Variants in ZNF106 observed in about 807,000 individuals in gnomAD.
ZNF106 encodes zinc finger protein 106.
In ZNF106, 67 loss-of-function variants were observed where a neutral mutation model predicts 195.1. The ratio of observed to expected loss-of-function variants is 0.34; its 90% CI spans 0.28 to 0.42. The LOEUF is 0.42. Among genes scored for constraint, ZNF106 ranks in the 10% least tolerant of loss-of-function variants. ZNF106 has a pLI of 1.00. For missense variants in ZNF106, 2,118 were observed against 2,304.5 expected, an observed-to-expected ratio of 0.92 and a Z score of 1.66; for synonymous variants, 784 against 818.6, an observed-to-expected ratio of 0.96 and a Z score of 0.72.
intron 20 of ZNF106, among the ~76,000 whole-genome samples, chr15:42,420,668 C>A (rs1464174537): frequency 6.6e-6 from 1 of 151,888 alleles, no homozygotes; most frequent in Non-Finnish European, 1.5e-5. Context: ...AAATAAAAAC[C>A]ACACAATTCA....
At chr15:42,419,502 C>T (rs1299589792) in intron 20 of ZNF106, among the ~76,000 whole-genome samples, 1 of 151,910 alleles carries the variant, frequency 6.6e-6, no homozygotes, top group Admixed American at 6.6e-5. Flanking sequence ...TGTGACCACA[C>T]CGCTGCACTC....
chr15:42,451,067 A>T lies in ZNF106; in HGVS notation c.1205T>A (p.Leu402His). 2 of 1,614,194 alleles carry T rather than the reference A, an allele frequency of 1.2e-6. No individual in the cohort carries two copies. The highest frequency in any genetic ancestry group is 1.7e-6 in the Non-Finnish European group (2 of 1,180,040). Reference sequence around the variant, plus strand: ...TGTAGTTATCAAGCTAAAATCAAAGAGAGGTTTCTCTATCATTTCTGACTT... The same window carrying T: ...TGTAGTTATCAAGCTAAAATCAAAGTGAGGTTTCTCTATCATTTCTGACTT... ...GNKSEMIEKP[L>H]FDFSLITTGI... Residue 402 changes from leucine to histidine, a missense_variant, in exon 5 of 22, where the codon CTC becomes CAC. Leu to His is a moderately conservative substitution (Grantham distance 99, BLOSUM62 -3). Transcript: ENST00000564754.
chr15:42,447,948 ATTC>A (rs1369219374), intron 6 of ZNF106, 121 bp downstream of exon 6: 2 of 1,160,740 alleles, frequency 1.7e-6, no homozygotes, highest in African/African-American at 1.5e-5. Context: ...GAACCTCACA[ATTC>A]TTCTAGAAGT....
intron 1 of ZNF106, among the ~76,000 whole-genome samples, chr15:42,487,016 G>A (rs1371532592): frequency 6.6e-6 from 1 of 151,990 alleles, no homozygotes; most frequent in Non-Finnish European, 1.5e-5. Flanking sequence ...CAGGCATGGT[G>A]GCAGGTGCCT....
At chr15:42,466,945 C>T (rs1477771419) in intron 2 of ZNF106, among the ~76,000 whole-genome samples, 2 of 151,810 alleles carry the variant, frequency 1.3e-5, no homozygotes, top group East Asian at 1.9e-4. Flanking sequence ...CCATCCTGGC[C>T]AACATGATGA....
Position 42,448,554 on chromosome 15 carries a change from C to T in ZNF106, c.2653G>A (p.Glu885Lys). ...GCTCTGTCCATGATCACGCTGCTCTCAGAAAGGCTTCGCTTTCTTGCCAAG... is the reference window on the plus strand; with the variant it reads ...GCTCTGTCCATGATCACGCTGCTCTTAGAAAGGCTTCGCTTTCTTGCCAAG... ...PGLARKRSLS[E>K]SSVIMDRAPS... The change falls in exon 6 of 22, where the codon GAG (glutamate) becomes AAG (lysine). Residue 885 changes from glutamate to lysine, a missense_variant. By Grantham distance (56) the Glu-to-Lys change is moderately conservative (BLOSUM62 1). Coordinates refer to ENST00000564754, the MANE Select transcript of ZNF106 (RefSeq NM_001366845.3). 1 of 1,614,152 alleles carries T rather than the reference C, an allele frequency of 6.2e-7. No homozygotes were observed. Among genetic ancestry groups the T allele is most frequent in the Non-Finnish European group, 8.5e-7 (1 of 1,180,032 alleles).
Position 42,472,229 on chromosome 15 carries a change from T to C in ZNF106, c.54+7A>G. 5.2e-6 allele frequency: 8 copies of C among 1,534,770 alleles called. No individual in the cohort carries two copies. The highest frequency in any genetic ancestry group is 7.0e-6 in the Non-Finnish European group (8 of 1,146,208). On this transcript the variant is annotated splice_region_variant and intron_variant, in intron 2 of 21. Transcript: ENST00000564754. Reference sequence around the variant, plus strand: ...AAAGCCTCAGATTCTCCCTCTTCCATTATTACCTTTTTTGAGCTGTACACG... The same window carrying C: ...AAAGCCTCAGATTCTCCCTCTTCCACTATTACCTTTTTTGAGCTGTACACG...
At chr15:42,481,607 C>T (rs2056902987) in intron 1 of ZNF106, among the ~76,000 whole-genome samples, 1 of 152,066 alleles carries the variant, frequency 6.6e-6, no homozygotes, top group Non-Finnish European at 1.5e-5. Context: ...TCATCACCCG[C>T]ATCAACCTCC....
In ZNF106 at chr15:42,450,967, TC is replaced by T; in HGVS notation, c.1304del (p.Gly435AspfsTer18). The T allele has an allele frequency of 6.2e-7, 1 of 1,614,222 alleles. No individual in the cohort carries two copies. The highest frequency in any genetic ancestry group is 8.5e-7 in the Non-Finnish European group (1 of 1,180,042). ...CAGAAGAGGCCTTGTGATTAAGAGA[TC>T]CAGTATGTATTTCTTTTTGTGTTTT... ...TQKTQKEIHTGSLNHKASSDS... is the reference protein window; with the variant it reads ...TQKTQKEIHTXSLNHKASSDS... On this transcript the variant is annotated frameshift_variant, in exon 5 of 22. Transcript: ENST00000564754. LOFTEE classifies it high-confidence loss of function.
At chr15:42,460,860 CA>C (rs34054288) in intron 3 of ZNF106, among the ~76,000 whole-genome samples, 166 of 110,512 alleles carry the variant, frequency 1.5e-3, no homozygotes, top group East Asian at 4.0e-3. Flanking sequence ...AACTCCGTCT[CA>C]AAAAAAAAAA....
In ZNF106 at chr15:42,451,559, C is replaced by T. The variant is rs1413344281; in HGVS notation, c.713G>A (p.Ser238Asn). The change falls in exon 5 of 22, where the codon AGT (serine) becomes AAT (asparagine). Residue 238 changes from serine to asparagine, a missense_variant. Transcript: ENST00000564754. ...WLSEGTGGFS[S>N]WHMNNSNGNW... ...TCCGTTACTGTTGTTCATATGCCAA[C>T]TGGAAAAGCCACCTGTTCCTTCAGA... is the stretch of plus-strand genomic sequence containing the variant. The T allele has an allele frequency of 6.2e-7, 1 of 1,614,054 alleles. No homozygotes were observed.
chr15:42,435,899 C>A (rs554719869), intron 13 of ZNF106, among the ~76,000 whole-genome samples: 1 of 151,936 alleles, frequency 6.6e-6, no homozygotes, highest in Non-Finnish European at 1.5e-5. Flanking sequence ...TGTGAGAATG[C>A]ACCATGGTAT....
At position 42,448,156 on chromosome 15, in the gene ZNF106, C is replaced by T. The variant is rs895662119; in HGVS notation, c.3051G>A (p.Ala1017=). 16 of 1,614,120 alleles carry T rather than the reference C, an allele frequency of 9.9e-6. No individual in the cohort carries two copies. The highest frequency in any genetic ancestry group is 3.3e-5 in the South Asian group (3 of 91,086). ...ASSALAISSL[A]DAATDSSCTS... is the part of the protein sequence containing the mutation. ...TACAGCTACTATCTGTGGCTGCATC[C>T]GCTAAACTGGAGATCGCAAGGGCTG... The change falls in exon 6 of 22, where the codon GCG becomes GCA. Residue 1017 remains alanine, a synonymous_variant. Coordinates refer to ENST00000564754, the MANE Select transcript of ZNF106 (RefSeq NM_001366845.3).
chr15:42,475,391 G>C (rs188044718), intron 1 of ZNF106, among the ~76,000 whole-genome samples: 12 of 152,124 alleles, frequency 7.9e-5, no homozygotes, highest in Admixed American at 3.3e-4. Context: ...GCAGTGAGCC[G>C]AGATGACGCC....
intron 4 of ZNF106, 44 bp from the exon 5 acceptor site, chr15:42,451,998 T>A (rs1174804980): frequency 1.3e-6 from 2 of 1,560,940 alleles, no homozygotes; most frequent in African/African-American, 2.7e-5. Context: ...AAGGAATTCC[T>A]ATGCTACCTT....
intron 5 of ZNF106, 94 bp downstream of exon 5, chr15:42,449,677 A>G (rs2055909729): frequency 1.3e-6 from 2 of 1,481,542 alleles, no homozygotes; most frequent in Admixed American, 4.5e-5. Context: ...CAAACATTTA[A>G]TTAAATGAAA....
chr15:42,448,347 C>T lies in ZNF106; in HGVS notation c.2860G>A (p.Ala954Thr). 5 of 1,614,192 alleles carry T rather than the reference C, an allele frequency of 3.1e-6. No homozygotes were observed. Among genetic ancestry groups the T allele is most frequent in the Non-Finnish European group, 4.2e-6 (5 of 1,180,034 alleles). Residue 954 changes from alanine (A) to threonine (T), a missense_variant, in exon 6 of 22, where the codon GCT becomes ACT. Ala to Thr is a moderately conservative substitution (Grantham distance 58). Coordinates refer to ENST00000564754, the MANE Select transcript of ZNF106 (RefSeq NM_001366845.3). Reference protein sequence around the residue: ...LRTGERAENVATQRRHSAQLS... With the variant: ...LRTGERAENVTTQRRHSAQLS... ...TGTGCACTATGTCGCCTTTGGGTAG[C>T]AACATTTTCAGCCCTTTCACCTGTT...
chr15:42,417,492 T>G, intron 21 of ZNF106, 132 bp from the exon 22 acceptor site: 1 of 1,031,266 alleles, frequency 9.7e-7, no homozygotes, highest in Non-Finnish European at 1.4e-6. Flanking sequence ...GAGCCAGCAC[T>G]TTGCTAACTT....
chr15:42,447,205 G>A (rs1376333349), intron 6 of ZNF106, among the ~76,000 whole-genome samples: 1 of 152,110 alleles, frequency 6.6e-6, no homozygotes, highest in Admixed American at 6.6e-5. Context: ...TAACTACTAT[G>A]CTTATCACCT....
Sources: allele counts gnomAD v4.1 joint callset (sites outside exome capture counted in the v4.1 genomes callset), GRCh38; gene constraint gnomAD v4.1.1; transcripts MANE v1.5; gene names NCBI Gene and HGNC (gene_info 2026-07-23, HGNC 2026-07-21).